HIVEP1: variants seen among roughly 807,000 people sequenced by gnomAD.
HIVEP1 encodes zinc finger protein 40.
HIVEP1 carries 36 observed loss-of-function variants against 180.0 expected under a neutral mutation model. The observed-to-expected ratio is 0.20, with a 90% CI of 0.15 to 0.26. HIVEP1 has a LOEUF of 0.26. Among genes scored for constraint, HIVEP1 ranks in the 10% least tolerant of loss-of-function variants. The probability of loss-of-function intolerance (pLI) is 1.00; values close to 1 mark genes in which losing one functional copy is unlikely to be tolerated. For missense variants in HIVEP1, 3,143 were observed against 3,268.7 expected (o/e 0.96, Z 0.94); for synonymous variants, 1,239 against 1,239.0 (o/e 1.00, Z 0.00).
In HIVEP1 at chr6:12,123,309, G is replaced by A. The variant is rs778096863; in HGVS notation, c.3514G>A (p.Gly1172Arg). The A allele has an allele frequency of 9.3e-6, 15 of 1,613,976 alleles. No individual in the cohort carries two copies. The highest frequency in any genetic ancestry group is 4.5e-5 in the East Asian group (2 of 44,882). The change falls in exon 4 of 9, where the codon GGG becomes AGG. Residue 1172 changes from glycine (G) to arginine (R), a missense_variant. Around this residue, in one of 12 missense-constraint regions of HIVEP1, gnomAD observed 1,357 missense variants for 1,260.5 expected, o/e 1.08. Transcript: ENST00000379388. ...GGAGCTGAATAGAACGGGGAAGTCC[G>A]GGTCTCTAAAAGTGATAGGAATCTC... Reference protein sequence around the residue: ...FQELNRTGKSGSLKVIGISQE... With the variant: ...FQELNRTGKSRSLKVIGISQE...
intron 2 of HIVEP1, among the ~76,000 whole-genome samples, chr6:12,024,863 A>G (rs746124952): frequency 1.3e-5 from 2 of 152,226 alleles, no homozygotes; most frequent in Non-Finnish European, 2.9e-5. Context: ...CACATTTTAC[A>G]GCAGGAAGGA....
intron 2 of HIVEP1, among the ~76,000 whole-genome samples, chr6:12,078,654 C>CAT (rs1191216502): frequency 7.3e-6 from 1 of 137,594 alleles, no homozygotes; most frequent in Non-Finnish European, 1.6e-5. Flanking sequence ...CACACACATA[C>CAT]ATATATATAC....
chr6:12,011,611 C>T (rs906731193), upstream of HIVEP1, among the ~76,000 whole-genome samples: 2 of 149,986 alleles, frequency 1.3e-5, no homozygotes, highest in African/African-American at 4.9e-5. Context: ...CCCGCGTCCC[C>T]CTCCCGTCCC....
chr6:12,011,864 A>C, upstream of HIVEP1: 1 of 78,036 alleles, frequency 1.3e-5, no homozygotes, highest in South Asian at 4.9e-4. Context: ...CCCCGCGGGG[A>C]CGCCCCCTCC....
intron 5 of HIVEP1, 66 bp downstream of exon 5, chr6:12,129,958 A>G: frequency 1.8e-6 from 2 of 1,141,084 alleles, no homozygotes; most frequent in Non-Finnish European, 2.6e-6. Context: ...ATTTGCTTTC[A>G]TGTGAATGAA....
upstream of HIVEP1, among the ~76,000 whole-genome samples, chr6:12,010,967 G>A (rs1767244705): frequency 6.6e-6 from 1 of 151,964 alleles, no homozygotes; most frequent in Admixed American, 6.6e-5. Flanking sequence ...CTCCCGGGTT[G>A]GCCCTATAAG....
At chr6:12,178,587 C>G in the HIVEP1 span, among the ~76,000 whole-genome samples, 1 of 152,078 alleles carries the variant, frequency 6.6e-6, no homozygotes, top group Non-Finnish European at 1.5e-5. Flanking sequence ...TATTAAGAAC[C>G]TAAGCACATC....
chr6:12,121,895 A>T lies in HIVEP1; in HGVS notation c.2100A>T (p.Glu700Asp), dbSNP rs757013307. 3.7e-6 allele frequency: 6 copies of T among 1,614,064 alleles called. No individual in the cohort carries two copies. The African/African-American group carries it at 8.0e-5, about 22-fold the overall frequency. The stretch of plus-strand genomic sequence containing the variant: ...TTGCCAGAAGGTTACCCAGCACAGA[A>T]CAAGACTCTGGAAGGAGTAACGGAC... ...TPFARRLPSTEQDSGRSNGPS... is the reference protein window; with the variant it reads ...TPFARRLPSTDQDSGRSNGPS... Residue 700 changes from glutamate to aspartate, a missense_variant, in exon 4 of 9, where the codon GAA (glutamate) becomes GAT (aspartate). This residue lies in a region of HIVEP1 where 365 missense variants were observed against 344.4 expected (regional missense o/e 1.06). Coordinates refer to ENST00000379388, the MANE Select transcript of HIVEP1 (RefSeq NM_002114.4). This position sits in a 1 kb window ranked among gnomAD's most constrained non-coding sequence, Gnocchi z 5.3.
the HIVEP1 span, among the ~76,000 whole-genome samples, chr6:12,199,502 C>G: frequency 6.6e-6 from 1 of 151,710 alleles, no homozygotes; most frequent in Non-Finnish European, 1.5e-5. Context: ...GCTGGGATTA[C>G]AGGTGCCCAC....
At chr6:12,114,742 C>T (rs1407885997) in intron 3 of HIVEP1, among the ~76,000 whole-genome samples, 1 of 152,136 alleles carries the variant, frequency 6.6e-6, no homozygotes, top group Non-Finnish European at 1.5e-5. Context: ...CTAACCATTT[C>T]CTATTGAAAA....
At chr6:12,110,318 T>C (rs560939539) in intron 3 of HIVEP1, among the ~76,000 whole-genome samples, 2 of 152,376 alleles carry the variant, frequency 1.3e-5, no homozygotes, top group East Asian at 1.9e-4. Context: ...AGCCAGGCAT[T>C]GACTTCTCTC....
At chr6:12,079,241 T>C (rs950021008) in intron 2 of HIVEP1, among the ~76,000 whole-genome samples, 1 of 152,198 alleles carries the variant, frequency 6.6e-6, no homozygotes, top group African/African-American at 2.4e-5. Flanking sequence ...TCAACATCTT[T>C]ATAACAATAG....
intron 2 of HIVEP1, among the ~76,000 whole-genome samples, chr6:12,031,390 T>G (rs1413669115): frequency 6.6e-6 from 1 of 152,182 alleles, no homozygotes; most frequent in African/African-American, 2.4e-5. Context: ...CAGCACACTG[T>G]AAGTGGCTCA....
intron 2 of HIVEP1, chr6:12,037,711 C>T (rs1353502715): frequency 4.9e-6 from 2 of 404,882 alleles, no homozygotes; most frequent in Non-Finnish European, 8.8e-6. Flanking sequence ...ATTGTTTTTT[C>T]CTTTTTTTTT....
the HIVEP1 span, among the ~76,000 whole-genome samples, chr6:12,202,860 C>G: frequency 6.6e-6 from 1 of 152,274 alleles, no homozygotes; most frequent in Admixed American, 6.5e-5. Context: ...TAGAAAGCTA[C>G]CTAGAAATCA....
intron 2 of HIVEP1, among the ~76,000 whole-genome samples, chr6:12,061,857 A>C (rs1362451467): frequency 6.6e-6 from 1 of 152,164 alleles, no homozygotes; most frequent in East Asian, 1.9e-4. Flanking sequence ...TCTAAGTAAA[A>C]ATCTATTTCT....
In HIVEP1 at chr6:12,164,147, C is replaced by T. The variant is rs768963674; in HGVS notation, c.7843C>T (p.Leu2615=). Reference sequence around the variant, plus strand: ...CCAGCGGGAAAATGCAAAAAAAGTTCTGAATCCACCTGCCCCTGCAGGTGA... The same window carrying T: ...CCAGCGGGAAAATGCAAAAAAAGTTTTGAATCCACCTGCCCCTGCAGGTGA... The part of the protein sequence containing the change: ...TVQRENAKKV[L]NPPAPAGDHA... Residue 2615 remains leucine (L), a synonymous_variant, in exon 9 of 9, where the codon CTG becomes TTG. Transcript: ENST00000379388. 1 of 1,614,066 alleles carries T rather than the reference C, an allele frequency of 6.2e-7. No individual in the cohort carries two copies. Among genetic ancestry groups the T allele is most frequent in the African/African-American group, 1.3e-5 (1 of 74,940 alleles).
At chr6:12,146,076 A>G (rs1201428714) in intron 7 of HIVEP1, among the ~76,000 whole-genome samples, 1 of 152,214 alleles carries the variant, frequency 6.6e-6, no homozygotes, top group Non-Finnish European at 1.5e-5. Flanking sequence ...TTTTTTAAAA[A>G]GGACAGTATA....
intron 2 of HIVEP1, among the ~76,000 whole-genome samples, chr6:12,030,153 G>C (rs1016787364): frequency 6.6e-6 from 1 of 152,134 alleles, no homozygotes; most frequent in Non-Finnish European, 1.5e-5. Context: ...TGAGAAGTCA[G>C]CTGTTTATTG....
Sources: gnomAD v4.1 joint callset for allele counts (sites outside exome capture counted in the v4.1 genomes callset) on GRCh38, gnomAD v4.1.1 for gene constraint, gnomAD v4.1.1 regional missense constraint, Gnocchi (gnomAD v3.1) non-coding constraint, MANE v1.5 for transcripts, NCBI Gene and HGNC (gene_info 2026-07-23, HGNC 2026-07-21) for gene names.